SRBD1: variants seen among roughly 807,000 people sequenced by gnomAD.
SRBD1 encodes the protein S1 RNA binding domain 1.
SRBD1 carries 88 observed loss-of-function variants against 115.3 expected under a neutral mutation model. That is an observed-to-expected ratio of 0.76 (90% CI 0.64 to 0.91). SRBD1 has a LOEUF of 0.91. SRBD1 is among the 40% of genes least tolerant of loss of function. The pLI, the probability that SRBD1 is intolerant of heterozygous loss-of-function variation, is 0.00. For synonymous variants in SRBD1, 509 were observed against 407.7 expected (o/e 1.25, Z -2.99); for missense variants, 1,385 against 1,177.4 (o/e 1.18, Z -2.58).
At chr2:45,448,737 A>C (rs1668903397) in intron 16 of SRBD1, among the ~76,000 whole-genome samples, 1 of 152,238 alleles carries the variant, frequency 6.6e-6, no homozygotes, top group Non-Finnish European at 1.5e-5. Flanking sequence ...AGCTACCCTG[A>C]AAGAAATTAG....
In SRBD1 at chr2:45,561,023, C is replaced by G. The variant is rs551626627; in HGVS notation, c.1409+1630G>C. On this transcript the variant is annotated intron_variant, in intron 10 of 20. Coordinates refer to ENST00000263736, the MANE Select transcript of SRBD1 (RefSeq NM_018079.5). ...ACAGGAGACTAAAGTGGGAGAATCA[C>G]TGGAGTCTGGGAGATTGAGGCTGTA... Among the ~76,000 whole-genome samples the G allele has an allele frequency of 1.6e-4, 25 of 152,084 alleles. No homozygotes were observed. In the South Asian group the frequency reaches 5.2e-3, roughly 32 times the overall value.
intron 4 of SRBD1, among the ~76,000 whole-genome samples, chr2:45,595,340 A>C (rs1232901054): frequency 6.6e-6 from 1 of 152,244 alleles, no homozygotes; most frequent in African/African-American, 2.4e-5. Flanking sequence ...TAAAGGATAT[A>C]TAAATGACAT....
In SRBD1 at chr2:45,550,493, C is replaced by CA. The variant is rs3064241; in HGVS notation, c.1675+631dup. ...ACTTCTCAACAAAAATTACAGTAGC[C>CA]AAAAAAAAAAAAAAGAATGACATCT... On this transcript the variant is annotated intron_variant, in intron 12 of 20. Coordinates refer to ENST00000263736, the MANE Select transcript of SRBD1 (RefSeq NM_018079.5). 6.7e-3 allele frequency among the ~76,000 whole-genome samples: 914 copies of CA among 135,656 alleles called. 22 individuals are homozygous for CA. The highest frequency in any genetic ancestry group is 0.018 in the African/African-American group (676 of 36,726). 89.0% of individuals were successfully genotyped at this position (135,656 alleles called of 152,430 possible). A position where few individuals can be genotyped will look rare whatever the true frequency, so the allele number is the denominator to read the frequency against.
Position 45,599,541 on chromosome 2 carries a change from T to C in SRBD1, c.556A>G (p.Thr186Ala), listed in dbSNP as rs1674021644. Reference protein sequence around the residue: ...FGQSALKKIKTETYPQGQPVK... With the variant: ...FGQSALKKIKAETYPQGQPVK... ...GGCTGCCCCTGAGGATATGTCTCAG[T>C]CTTGATTTTCTTTAAAGCGGACTGA... Residue 186 changes from threonine to alanine, a missense_variant, in exon 4 of 21, where the codon ACT (threonine) becomes GCT (alanine). Coordinates refer to ENST00000263736, the MANE Select transcript of SRBD1 (RefSeq NM_018079.5). The C allele has an allele frequency of 1.9e-6, 3 of 1,614,178 alleles. No individual in the cohort carries two copies. Among genetic ancestry groups the C allele is most frequent in the Non-Finnish European group, 1.7e-6 (2 of 1,180,030 alleles).
intron 15 of SRBD1, among the ~76,000 whole-genome samples, chr2:45,485,617 T>C (rs1371476939): frequency 6.6e-6 from 1 of 152,198 alleles, no homozygotes; most frequent in Non-Finnish European, 1.5e-5. Context: ...CAACTTCTGT[T>C]TTCAATAAGC....
chr2:45,515,128 G>T lies in SRBD1; in HGVS notation c.1875-26797C>A, dbSNP rs138017364. Among the ~76,000 whole-genome samples, 132 of 152,250 alleles carry T rather than the reference G, an allele frequency of 8.7e-4. 1 individual carries two copies. Among genetic ancestry groups the T allele is most frequent in the African/African-American group, 3.1e-3 (127 of 41,556 alleles). ...GAGAACATGGGAACAAGAGAGAGTA[G>T]AAGAAATTATATCCTATATACATGT... On this transcript the variant is annotated intron_variant, in intron 14 of 20. Coordinates refer to ENST00000263736, the MANE Select transcript of SRBD1 (RefSeq NM_018079.5).
chr2:45,527,948 A>T (rs1181265564), intron 14 of SRBD1, among the ~76,000 whole-genome samples: 1 of 151,930 alleles, frequency 6.6e-6, no homozygotes, highest in African/African-American at 2.4e-5. Context: ...GAAGCCACTG[A>T]AAACAGGAGC....
chr2:45,398,705 T>C (rs2103826233), intron 19 of SRBD1, among the ~76,000 whole-genome samples: 1 of 152,102 alleles, frequency 6.6e-6, no homozygotes, highest in African/African-American at 2.4e-5. Flanking sequence ...TCTAAAAGAT[T>C]TAGGATGATC....
At chr2:45,403,002 T>C (rs577661496) in intron 19 of SRBD1, among the ~76,000 whole-genome samples, 4 of 152,252 alleles carry the variant, frequency 2.6e-5, no homozygotes, top group African/African-American at 7.2e-5. Flanking sequence ...TTACTTATGG[T>C]TTATGGTACA....
intron 19 of SRBD1, among the ~76,000 whole-genome samples, chr2:45,402,870 T>C (rs1182568578): frequency 1.3e-5 from 2 of 152,192 alleles, no homozygotes; most frequent in Non-Finnish European, 2.9e-5. Flanking sequence ...GGAAATCGGA[T>C]ACCTGCCTTA....
intron 2 of SRBD1, among the ~76,000 whole-genome samples, chr2:45,604,336 A>T (rs1191651924): frequency 7.2e-6 from 1 of 138,592 alleles, no homozygotes; most frequent in Non-Finnish European, 1.5e-5. Flanking sequence ...AGATTTTTAT[A>T]TTGAGCCATA....
rs1671174804 is a variant in SRBD1 at position 45,518,103 on chromosome 2, G to A, written c.1874+28629C>T. Among the ~76,000 whole-genome samples, 4 of 151,882 alleles carry A rather than the reference G, an allele frequency of 2.6e-5. No individual in the cohort carries two copies. In the South Asian group the frequency reaches 8.3e-4, roughly 31 times the overall value. On this transcript the variant is annotated intron_variant, in intron 14 of 20. Transcript: ENST00000263736. ...TTCCCCTTAAAGTTACCCTTAAAAA[G>A]GTGTGTCTTAAAATGGGTAACATCC...
At chr2:45,435,817 G>A (rs943659504) in intron 16 of SRBD1, among the ~76,000 whole-genome samples, 1 of 152,162 alleles carries the variant, frequency 6.6e-6, no homozygotes, top group Non-Finnish European at 1.5e-5. Context: ...GTTCACTGAT[G>A]AATTCTATCA....
At chr2:45,464,907 G>C (rs926982023) in intron 16 of SRBD1, among the ~76,000 whole-genome samples, 1 of 151,562 alleles carries the variant, frequency 6.6e-6, no homozygotes, top group Non-Finnish European at 1.5e-5. Flanking sequence ...TAATGAAGTG[G>C]TTTTACCGAC....
intron 14 of SRBD1, among the ~76,000 whole-genome samples, chr2:45,532,469 T>C (rs1369429472): frequency 6.6e-6 from 1 of 151,758 alleles, no homozygotes; most frequent in Admixed American, 6.6e-5. Context: ...GAAATAGGGA[T>C]TAATGCTGCA....
chr2:45,504,706 A>C (rs1036816475), intron 14 of SRBD1, among the ~76,000 whole-genome samples: 1 of 152,182 alleles, frequency 6.6e-6, no homozygotes, highest in African/African-American at 2.4e-5. Flanking sequence ...CTTTATTACT[A>C]ATCAGTCCTC....
intron 10 of SRBD1, 104 bp from the exon 11 acceptor site, chr2:45,553,834 T>G (rs1351950532): frequency 1.6e-5 from 9 of 565,724 alleles, no homozygotes; most frequent in Non-Finnish European, 2.7e-5. Context: ...GGGGAAAACC[T>G]TTATTGAAGC....
At chr2:45,432,880 T>G (rs1558390548) in intron 16 of SRBD1, among the ~76,000 whole-genome samples, 1 of 152,176 alleles carries the variant, frequency 6.6e-6, no homozygotes, top group Non-Finnish European at 1.5e-5. Flanking sequence ...AAAATAAAAC[T>G]TTATTACTCT....
chr2:45,431,191 C>G (rs1191474241), intron 16 of SRBD1, among the ~76,000 whole-genome samples: 1 of 152,170 alleles, frequency 6.6e-6, no homozygotes, highest in Admixed American at 6.5e-5. Context: ...AACACTTTAA[C>G]GCTGTTGGTG....
Sources: gnomAD v4.1 joint callset for allele counts (sites outside exome capture counted in the v4.1 genomes callset) on GRCh38, gnomAD v4.1.1 for gene constraint, MANE v1.5 for transcripts, NCBI Gene and HGNC (gene_info 2026-07-23, HGNC 2026-07-21) for gene names.